Variants in CNTNAP5 observed in about 807,000 individuals in gnomAD.
CNTNAP5 encodes the protein contactin-associated protein-like 5.
CNTNAP5 carries 72 observed loss-of-function variants against 150.2 expected under a neutral mutation model. The observed-to-expected ratio is 0.48, with a 90% CI of 0.40 to 0.58. The LOEUF (loss-of-function observed/expected upper bound fraction) is 0.58, where lower values mean the gene tolerates loss of function less well. CNTNAP5 is among the 20% of genes least tolerant of loss of function. The pLI is 0.00. For missense variants in CNTNAP5, 1,636 were observed against 1,626.2 expected, an observed-to-expected ratio of 1.01 and a Z score of -0.10; for synonymous variants, 672 against 619.8, an observed-to-expected ratio of 1.08 and a Z score of -1.25.
intron 1 of CNTNAP5, among the ~76,000 whole-genome samples, chr2:124,031,020 T>A (rs1299956077): frequency 6.6e-6 from 1 of 152,120 alleles, no homozygotes; most frequent in Non-Finnish European, 1.5e-5. Flanking sequence ...ATGAAACTCC[T>A]TCACATTCCA....
chr2:124,444,280 T>A (rs1236374896), intron 5 of CNTNAP5, among the ~76,000 whole-genome samples: 1 of 152,098 alleles, frequency 6.6e-6, no homozygotes, highest in Non-Finnish European at 1.5e-5. Flanking sequence ...CCCACACAGC[T>A]GCCAAAATAA....
intron 3 of CNTNAP5, among the ~76,000 whole-genome samples, chr2:124,313,811 G>A (rs149430676): frequency 1.5e-4 from 23 of 152,244 alleles, no homozygotes; most frequent in Admixed American, 3.3e-4. Context: ...GTGATGGTGC[G>A]AGGGATACCA....
intron 7 of CNTNAP5, among the ~76,000 whole-genome samples, 173 bp from the exon 8 acceptor site, chr2:124,504,119 C>G (rs939446332): frequency 6.6e-6 from 1 of 152,110 alleles, no homozygotes; most frequent in African/African-American, 2.4e-5. Flanking sequence ...GAGCGGAAAA[C>G]GATCTTGTGA....
chr2:124,031,295 T>C (rs980881966), intron 1 of CNTNAP5, among the ~76,000 whole-genome samples: 1 of 152,132 alleles, frequency 6.6e-6, no homozygotes, highest in African/African-American at 2.4e-5. Context: ...CTATATTCAA[T>C]GCGTAAAACA....
chr2:124,355,428 T>G (rs988581931), intron 3 of CNTNAP5, among the ~76,000 whole-genome samples: 1 of 152,108 alleles, frequency 6.6e-6, no homozygotes, highest in African/African-American at 2.4e-5. Flanking sequence ...AGGGATGGTG[T>G]TGTGGAATGG....
At chr2:124,388,018 G>C (rs1690975291) in intron 3 of CNTNAP5, among the ~76,000 whole-genome samples, 1 of 152,132 alleles carries the variant, frequency 6.6e-6, no homozygotes, top group Non-Finnish European at 1.5e-5. Flanking sequence ...TTTCAAACTA[G>C]CCACCTCTCC....
intron 10 of CNTNAP5, among the ~76,000 whole-genome samples, chr2:124,529,063 T>G (rs1040506688): frequency 6.6e-6 from 1 of 152,088 alleles, no homozygotes; most frequent in African/African-American, 2.4e-5. Flanking sequence ...GCTTTGTTTT[T>G]TTTTTTTTTC....
intron 19 of CNTNAP5, among the ~76,000 whole-genome samples, chr2:124,843,719 T>G (rs1360693096): frequency 6.6e-6 from 1 of 152,136 alleles, no homozygotes; most frequent in Non-Finnish European, 1.5e-5. Context: ...TGAGGTGATA[T>G]CTCATTGTGG....
chr2:124,712,361 A>G lies in CNTNAP5; in HGVS notation c.2078-34868A>G, dbSNP rs116203145. Reference sequence around the variant, plus strand: ...GACAGCATAATTATTCTCATTTTACAGCAATGAAAATGAAAGGTTAGAATG... The same window carrying G: ...GACAGCATAATTATTCTCATTTTACGGCAATGAAAATGAAAGGTTAGAATG... On this transcript the variant is annotated intron_variant, in intron 13 of 23. Coordinates refer to ENST00000682447, the MANE Select transcript of CNTNAP5 (RefSeq NM_001367498.1). Among the ~76,000 whole-genome samples the G allele has an allele frequency of 3.2e-3, 495 of 152,320 alleles. 4 individuals carry two copies. Among genetic ancestry groups the G allele is most frequent in the African/African-American group, 0.011 (459 of 41,568 alleles).
intron 21 of CNTNAP5, among the ~76,000 whole-genome samples, chr2:124,895,450 C>A (rs1239232919): frequency 6.6e-6 from 1 of 151,440 alleles, no homozygotes; most frequent in Non-Finnish European, 1.5e-5. Context: ...CATAGTGAGA[C>A]CCTTTCTCCA....
intron 15 of CNTNAP5, 45 bp downstream of exon 15, chr2:124,763,844 C>T: frequency 6.2e-7 from 1 of 1,610,540 alleles, no homozygotes; most frequent in Non-Finnish European, 8.5e-7. Context: ...ATTACATGAG[C>T]ACAAGATGTT....
rs931069888 is a variant in CNTNAP5, at chr2:124,916,413, C to G, written c.*2125C>G. Among the ~76,000 whole-genome samples the G allele has an allele frequency of 6.6e-6, 1 of 151,972 alleles. No individual in the cohort carries two copies. Among genetic ancestry groups the G allele is most frequent in the Admixed American group, 6.6e-5 (1 of 15,236 alleles). ...TCCATAAAAAGGCTATATAAATCAGCCTTTTGCTTGGCTATATATTCCTTT... is the reference window on the plus strand; with the variant it reads ...TCCATAAAAAGGCTATATAAATCAGGCTTTTGCTTGGCTATATATTCCTTT... On this transcript the variant is annotated 3_prime_UTR_variant, in exon 24 of 24. Transcript: ENST00000682447.
At chr2:124,875,394 C>T (rs1677833689) in intron 21 of CNTNAP5, among the ~76,000 whole-genome samples, 1 of 152,022 alleles carries the variant, frequency 6.6e-6, no homozygotes, top group Admixed American at 6.6e-5. Context: ...CAATGCTAAA[C>T]CAGGAAGCAA....
At chr2:124,905,899 A>G (rs1419939934) in intron 22 of CNTNAP5, among the ~76,000 whole-genome samples, 1 of 152,168 alleles carries the variant, frequency 6.6e-6, no homozygotes, top group Non-Finnish European at 1.5e-5. Context: ...TGAGTGATTT[A>G]AGGCAAGAGA....
chr2:124,052,132 G>A (rs147778426), intron 1 of CNTNAP5, among the ~76,000 whole-genome samples: 2 of 152,240 alleles, frequency 1.3e-5, no homozygotes, highest in South Asian at 2.1e-4. Flanking sequence ...ATTTTATCCT[G>A]GAGTGGTGAC....
chr2:124,843,601 G>T (rs952969366), intron 19 of CNTNAP5, among the ~76,000 whole-genome samples: 1 of 152,068 alleles, frequency 6.6e-6, no homozygotes, highest in Non-Finnish European at 1.5e-5. Flanking sequence ...TTTCATAGCG[G>T]TTGCACTGGT....
chr2:124,074,397 G>T (rs2579815), intron 1 of CNTNAP5, among the ~76,000 whole-genome samples: 147,540 of 152,230 alleles, frequency 0.97, 71,666 homozygotes, highest in East Asian at 1. Flanking sequence ...GGCTGCCTCA[G>T]TTACCATGAT....
chr2:124,757,321 T>C (rs139892774), intron 14 of CNTNAP5, among the ~76,000 whole-genome samples: 2 of 152,270 alleles, frequency 1.3e-5, no homozygotes, highest in Admixed American at 1.3e-4. Flanking sequence ...CTGTGTCTTA[T>C]GTGGAGAAAG....
intron 6 of CNTNAP5, among the ~76,000 whole-genome samples, chr2:124,449,536 T>C (rs1692913476): frequency 1.3e-5 from 2 of 152,270 alleles, no homozygotes; most frequent in South Asian, 2.1e-4. Flanking sequence ...TTGTCTCTTG[T>C]GTGTGGAATC....
Sources: gnomAD v4.1 joint callset for allele counts (sites outside exome capture counted in the v4.1 genomes callset) on GRCh38, gnomAD v4.1.1 for gene constraint, MANE v1.5 for transcripts, NCBI Gene and HGNC (gene_info 2026-07-23, HGNC 2026-07-21) for gene names.